The following FGD2 variants were observed in gnomAD, a reference collection of about 807,000 sequenced individuals.
FGD2 encodes FYVE, RhoGEF and PH domain containing 2, also known as FYVE, RhoGEF and PH domain-containing protein 2.
Under a neutral mutation model 75.9 loss-of-function variants are expected in FGD2, and 52 were observed. That is an observed-to-expected ratio of 0.69 (90% CI 0.55 to 0.86). The LOEUF (loss-of-function observed/expected upper bound fraction) is 0.86, where lower values mean the gene tolerates loss of function less well. FGD2 is among the 40% of genes least tolerant of loss of function. FGD2 has a pLI of 0.00. For synonymous variants in FGD2, 347 were observed against 348.6 expected (o/e 1.00, Z 0.05); for missense variants, 790 against 872.0 (o/e 0.91, Z 1.18).
intron 4 of FGD2, 140 bp downstream of exon 4, chr6:37,011,994 C>A: frequency 1.1e-6 from 1 of 907,288 alleles, no homozygotes; most frequent in Non-Finnish European, 1.6e-6. Flanking sequence ...CTCGGTCTGT[C>A]TGCACAGTGA....
intron 2 of FGD2, among the ~76,000 whole-genome samples, chr6:37,010,743 T>C (rs751233231): frequency 2.0e-5 from 3 of 152,148 alleles, no homozygotes; most frequent in Non-Finnish European, 4.4e-5. Flanking sequence ...ACAGCACAGG[T>C]GGAAGCTTCC....
chr6:37,020,149 GC>G (rs1377125450), intron 9 of FGD2, among the ~76,000 whole-genome samples: 10 of 152,216 alleles, frequency 6.6e-5, no homozygotes, highest in Non-Finnish European at 1.5e-4. Context: ...ACTGCACCCA[GC>G]CAAGGTTATT....
intron 12 of FGD2, 122 bp downstream of exon 12, chr6:37,021,726 G>A (rs1583319041): frequency 2.2e-6 from 2 of 899,638 alleles, no homozygotes; most frequent in Non-Finnish European, 3.3e-6. Flanking sequence ...AGAGACTGAA[G>A]GGACCAGGGG....
Position 37,014,134 on chromosome 6 carries a change from G to T in FGD2, c.823+34G>T, listed in dbSNP as rs1765162213. 3 of 1,605,544 alleles carry T rather than the reference G, an allele frequency of 1.9e-6. No homozygotes were observed. In the South Asian group the frequency reaches 3.3e-5, roughly 18 times the overall value. On this transcript the variant is annotated intron_variant, in intron 6 of 15. Coordinates refer to ENST00000274963, the MANE Select transcript of FGD2 (RefSeq NM_173558.4). ...ACCCCCAGGGGTCCCAGGGGGCTGA[G>T]GAGGCCTAAGCCATTCCCATATACT...
chr6:37,017,408 G>C (rs1765349725), intron 9 of FGD2, among the ~76,000 whole-genome samples: 1 of 152,218 alleles, frequency 6.6e-6, no homozygotes, highest in Admixed American at 6.5e-5. Flanking sequence ...TTGCTTGAAG[G>C]TCATATCGCA....
At chr6:37,013,250 T>G in intron 4 of FGD2, 1 of 197,908 alleles carries the variant, frequency 5.1e-6, no homozygotes, top group Non-Finnish European at 9.9e-6. Context: ...TACAGGGTTG[T>G]GAGAATTACA....
At chr6:37,018,360 A>G (rs959443095) in intron 9 of FGD2, among the ~76,000 whole-genome samples, 1 of 152,150 alleles carries the variant, frequency 6.6e-6, no homozygotes, top group Non-Finnish European at 1.5e-5. Context: ...CCTGGACGGC[A>G]TGGGCTTGGC....
chr6:37,020,697 C>G lies in FGD2; in HGVS notation c.1203-12C>G. On this transcript the variant is annotated splice_polypyrimidine_tract_variant and intron_variant, in intron 10 of 15. Transcript: ENST00000274963. The stretch of plus-strand genomic sequence containing the variant: ...CTGATCTCCTCAACACCTGTGTTCA[C>G]TTTCCGAGCAGGTCCCAGGAGGAAA... The G allele has an allele frequency of 6.3e-7, 1 of 1,575,518 alleles. No homozygotes were observed. The highest frequency in any genetic ancestry group is 8.6e-7 in the Non-Finnish European group (1 of 1,159,078).
chr6:37,006,057 G>A (rs969483575), intron 1 of FGD2, among the ~76,000 whole-genome samples, 172 bp downstream of exon 1: 1 of 152,228 alleles, frequency 6.6e-6, no homozygotes, highest in African/African-American at 2.4e-5. Flanking sequence ...GGGACACCAG[G>A]AGCCAGGCAG....
chr6:37,013,321 C>T (rs923858490), intron 4 of FGD2: 18 of 491,324 alleles, frequency 3.7e-5, no homozygotes, highest in Non-Finnish European at 5.2e-5. Flanking sequence ...GTTATTGTTA[C>T]ATAATGAAGC....
Position 37,027,516 on chromosome 6 carries a change from G to A in FGD2, c.1693G>A (p.Gly565Ser), listed in dbSNP as rs748608255. 5 of 1,613,994 alleles carry A rather than the reference G, an allele frequency of 3.1e-6. No homozygotes were observed. The African/African-American group carries it at 5.3e-5, about 17-fold the overall frequency. The change falls in exon 15 of 16, where the codon GGC (glycine) becomes AGC (serine). Residue 565 changes from glycine (G) to serine (S), a missense_variant. Gly to Ser is a moderately conservative substitution (Grantham distance 56). Coordinates refer to ENST00000274963, the MANE Select transcript of FGD2 (RefSeq NM_173558.4). ...CAAGTGGGGCAAGAGCGGCCCCCGG[G>A]GCTGGTGTGTGATCCCTCGGGATGA... The part of the protein sequence containing the change: ...GDKWGKSGPR[G>S]WCVIPRDDPL...
chr6:37,022,651 GTCCCAC>G, intron 13 of FGD2: 1 of 357,108 alleles, frequency 2.8e-6, no homozygotes. Flanking sequence ...GCCTCTACCT[GTCCCAC>G]CTCGGCCTCC....
chr6:37,016,486 A>G (rs1765300291), intron 9 of FGD2, among the ~76,000 whole-genome samples: 1 of 151,900 alleles, frequency 6.6e-6, no homozygotes, highest in African/African-American at 2.4e-5. Context: ...GGGGACCACA[A>G]GATCCTCCTA....
intron 14 of FGD2, among the ~76,000 whole-genome samples, chr6:37,026,527 C>G (rs1765828461): frequency 1.3e-5 from 2 of 150,806 alleles, no homozygotes; most frequent in Non-Finnish European, 1.5e-5. Flanking sequence ...CACAGGTGCT[C>G]CCCTGTGGGG....
At chr6:37,025,509 A>C in intron 13 of FGD2, 5 of 440,588 alleles carry the variant, frequency 1.1e-5, no homozygotes, top group Non-Finnish European at 1.7e-5. Flanking sequence ...CTCGGAGGGA[A>C]CCTGGAGGGG....
intron 6 of FGD2, 197 bp from the exon 7 acceptor site, chr6:37,014,449 G>A (rs1261689277): frequency 6.1e-6 from 4 of 656,210 alleles, no homozygotes; most frequent in South Asian, 3.9e-5. Context: ...AATGGCTAAC[G>A]TTCAGTGGCT....
At chr6:37,009,125 C>A (rs6927538) in intron 2 of FGD2, 60 bp downstream of exon 2, 303,441 of 1,492,876 alleles carry the variant, frequency 0.2, 32,557 homozygotes, top group African/African-American at 0.39. Flanking sequence ...CCCTGACCTC[C>A]CCTCCACACA....
chr6:37,017,759 C>A (rs1178059782), intron 9 of FGD2, among the ~76,000 whole-genome samples: 1 of 151,914 alleles, frequency 6.6e-6, no homozygotes, highest in African/African-American at 2.4e-5. Context: ...AATGCTCTAC[C>A]CTCTAGAGCC....
intron 2 of FGD2, among the ~76,000 whole-genome samples, chr6:37,010,336 C>T (rs1764946333): frequency 6.6e-6 from 1 of 152,194 alleles, no homozygotes; most frequent in Non-Finnish European, 1.5e-5. Context: ...GTGTGTCTTC[C>T]TCTTCTGACA....
Sources: allele counts gnomAD v4.1 joint callset (sites outside exome capture counted in the v4.1 genomes callset), GRCh38; gene constraint gnomAD v4.1.1; transcripts MANE v1.5; gene names NCBI Gene and HGNC (gene_info 2026-07-23, HGNC 2026-07-21).